The following APC2 variants were observed in gnomAD, a reference collection of about 807,000 sequenced individuals.
APC2 encodes APC regulator of Wnt signaling pathway 2.
A neutral mutation model predicts 72.5 loss-of-function variants in APC2; 41 were observed. The ratio of observed to expected loss-of-function variants is 0.57; its 90% CI spans 0.44 to 0.73. APC2 has a LOEUF of 0.73. APC2 is among the 30% of genes least tolerant of loss of function. The pLI is 0.00. For missense variants in APC2, 3,729 were observed against 3,403.4 expected (o/e 1.10, Z -2.38); for synonymous variants, 1,898 against 1,612.0 (o/e 1.18, Z -4.25).
At position 1,465,545 on chromosome 19, in the gene APC2, G is replaced by A. The variant is rs1189015066; in HGVS notation, c.2244G>A (p.Pro748=). 5.9e-6 allele frequency: 9 copies of A among 1,533,782 alleles called. No individual in the cohort carries two copies. The highest frequency in any genetic ancestry group is 1.2e-5 in the South Asian group (1 of 82,926). The change falls in exon 15 of 15, where the codon CCG becomes CCA. Residue 748 remains proline, a synonymous_variant. Coordinates refer to ENST00000590469, the MANE Select transcript of APC2 (RefSeq NM_005883.3). The part of the protein sequence containing the change: ...ALEHLEKQGP[P]AAEAATKKPL... ...AGCACCTGGAGAAGCAGGGCCCGCC[G>A]GCAGCCGAGGCCGCCACTAAGAAGC...
chr19:1,457,143 C>G lies in APC2; in HGVS notation c.1107C>G (p.Arg369=), dbSNP rs747246449. ...AGGGCCTGGCGCGCAAGGAGATGCG[C>G]GTCCTGCACGTGCTGGAGCAGATCC... ...PDQGLARKEM[R]VLHVLEQIRA... Residue 369 remains arginine, a synonymous_variant, in exon 9 of 15, where the codon CGC becomes CGG. Coordinates refer to ENST00000590469, the MANE Select transcript of APC2 (RefSeq NM_005883.3). The G allele has an allele frequency of 3.1e-6, 5 of 1,588,380 alleles. No individual in the cohort carries two copies. The highest frequency in any genetic ancestry group is 3.6e-4 in the Middle Eastern group (2 of 5,532).
intron 13 of APC2, 92 bp downstream of exon 13, chr19:1,461,245 T>A (rs2083917942): frequency 1.2e-5 from 14 of 1,150,866 alleles, no homozygotes; most frequent in Non-Finnish European, 1.7e-5. Flanking sequence ...TGGGAGGAAA[T>A]CAAGTTGAAC....
Position 1,470,070 on chromosome 19 carries a change from C to T in APC2, c.6769C>T (p.Pro2257Ser), listed in dbSNP as rs755096030. Residue 2257 changes from proline to serine, a missense_variant, in exon 15 of 15, where the codon CCC (proline) becomes TCC (serine). Coordinates refer to ENST00000590469, the MANE Select transcript of APC2 (RefSeq NM_005883.3). ...EGLGVAVGGFPASRHGSPSRS... is the reference protein window; with the variant it reads ...EGLGVAVGGFSASRHGSPSRS... ...CCTGGGGGTCGCCGTGGGGGGCTTC[C>T]CCGCCAGCCGGCACGGCTCCCCCAG... 23 of 1,596,926 alleles carry T rather than the reference C, an allele frequency of 1.4e-5. 1 individual carries two copies. In the South Asian group the frequency reaches 2.5e-4, roughly 17 times the overall value.
Position 1,466,607 on chromosome 19 carries a change from G to A in APC2, c.3306G>A (p.Glu1102=), listed in dbSNP as rs1343320104. 3 of 1,544,498 alleles carry A rather than the reference G, an allele frequency of 1.9e-6. No homozygotes were observed. The highest frequency in any genetic ancestry group is 2.4e-5 in the South Asian group (2 of 84,158). ...DSDSSLEGLE[E]AGPSEAELDS... is the part of the protein sequence containing the mutation. ...ACTCCTCCCTGGAGGGGCTGGAGGA[G>A]GCCGGCCCCAGCGAGGCTGAGCTGG... The change falls in exon 15 of 15, where the codon GAG becomes GAA. Residue 1102 remains glutamate (E), a synonymous_variant. Coordinates refer to ENST00000590469, the MANE Select transcript of APC2 (RefSeq NM_005883.3).
Position 1,470,036 on chromosome 19 carries a change from G to C in APC2, c.6735G>C (p.Val2245=). ...AGGCTCCCATCTCCGCACCCTTCGT[G>C]CACGAGGGCCTGGGGGTCGCCGTGG... is the stretch of plus-strand genomic sequence containing the variant. ...LAKAPISAPF[V]HEGLGVAVGG... Residue 2245 remains valine (V), a synonymous_variant, in exon 15 of 15, where the codon GTG becomes GTC. Transcript: ENST00000590469. The C allele has an allele frequency of 6.4e-7, 1 of 1,566,526 alleles. No individual in the cohort carries two copies. The highest frequency in any genetic ancestry group is 8.6e-7 in the Non-Finnish European group (1 of 1,161,586).
At chr19:1,458,289 C>G (rs140141232) in intron 10 of APC2, 1 of 566,582 alleles carries the variant, frequency 1.8e-6, no homozygotes, top group Admixed American at 3.2e-5. Flanking sequence ...TCTGAGGCTT[C>G]GGGGGTGACT....
In APC2 at chr19:1,466,648, C is replaced by G; in HGVS notation, c.3347C>G (p.Ala1116Gly). 1 of 1,493,730 alleles carries G rather than the reference C, an allele frequency of 6.7e-7. No individual in the cohort carries two copies. The highest frequency in any genetic ancestry group is 8.9e-7 in the Non-Finnish European group (1 of 1,122,800). 92.5% of individuals were successfully genotyped at this position (1,493,730 alleles called of 1,614,324 possible). Residue 1116 changes from alanine to glycine, a missense_variant, in exon 15 of 15, where the codon GCG (alanine) becomes GGG (glycine). Transcript: ENST00000590469. ...SEAELDSTWR[A>G]PGATSLPVAI... ...GCTGAGCTGGACAGCACGTGGCGGG[C>G]GCCCGGGGCCACCTCGCTGCCCGTA...
In APC2 at chr19:1,465,842, G is replaced by A. The variant is rs1194671154; in HGVS notation, c.2541G>A (p.Leu847=). The part of the protein sequence containing the change: ...AAVAAKAKAK[L]ALAVARIDQL... Reference sequence around the variant, plus strand: ...TGGCGGCCAAGGCCAAGGCCAAGCTGGCGCTTGCAGTGGCGCGCATCGACC... The same window carrying A: ...TGGCGGCCAAGGCCAAGGCCAAGCTAGCGCTTGCAGTGGCGCGCATCGACC... The change falls in exon 15 of 15, where the codon CTG becomes CTA. Residue 847 remains leucine (L), a synonymous_variant. Transcript: ENST00000590469. The A allele has an allele frequency of 1.3e-6, 2 of 1,575,212 alleles. No individual in the cohort carries two copies. The highest frequency in any genetic ancestry group is 1.1e-5 in the South Asian group (1 of 87,270).
chr19:1,467,859 G>A lies in APC2; in HGVS notation c.4558G>A (p.Ala1520Thr). 6.5e-7 allele frequency: 1 copy of A among 1,549,232 alleles called. No individual in the cohort carries two copies. The change falls in exon 15 of 15, where the codon GCG (alanine) becomes ACG (threonine). Residue 1520 changes from alanine (A) to threonine (T), a missense_variant. Transcript: ENST00000590469. Reference protein sequence around the residue: ...YGNDSDEEPPAAAPTPTHRRT... With the variant: ...YGNDSDEEPPTAAPTPTHRRT... ...CAACGACTCGGACGAGGAGCCCCCG[G>A]CGGCCGCGCCCACGCCAACCCACCG...
In APC2 at chr19:1,455,431, G is replaced by C; in HGVS notation, c.570G>C (p.Glu190Asp). Residue 190 changes from glutamate (E) to aspartate (D), a missense_variant, in exon 6 of 15, where the codon GAG becomes GAC. Physicochemically the swap from Glu to Asp is conservative, Grantham distance 45. Coordinates refer to ENST00000590469, the MANE Select transcript of APC2 (RefSeq NM_005883.3). ...MDLIRQQLEF[E>D]AQHIRSLMEE... is the part of the protein sequence containing the mutation. ...TGATCCGGCAGCAGCTTGAGTTCGA[G>C]GCCCAGCACATCCGCTCGCTGATGG... 1 of 1,608,548 alleles carries C rather than the reference G, an allele frequency of 6.2e-7. No individual in the cohort carries two copies. Among genetic ancestry groups the C allele is most frequent in the Non-Finnish European group, 8.5e-7 (1 of 1,178,028 alleles).
In APC2 at chr19:1,468,745, C is replaced by A; in HGVS notation, c.5444C>A (p.Pro1815Gln). The A allele has an allele frequency of 1.3e-6, 2 of 1,500,340 alleles. No homozygotes were observed. The highest frequency in any genetic ancestry group is 2.5e-5 in the East Asian group (1 of 40,254). 92.9% of individuals were successfully genotyped at this position (1,500,340 alleles called of 1,614,324 possible). A position where few individuals can be genotyped will look rare whatever the true frequency, so the allele number is the denominator to read the frequency against. The change falls in exon 15 of 15, where the codon CCG becomes CAG. Residue 1815 changes from proline (P) to glutamine (Q), a missense_variant. By Grantham distance (76) the Pro-to-Gln change is moderately conservative. Transcript: ENST00000590469. ...GGGACCCCCGGCCCCCGCGCCACAC[C>A]GCGGAAGGTGGCGCCCCCTTGCCTG... ...PKGTPGPRAT[P>Q]RKVAPPCLAQ...
chr19:1,464,257 G>A (rs541340065), intron 14 of APC2, among the ~76,000 whole-genome samples: 54 of 151,262 alleles, frequency 3.6e-4, no homozygotes, highest in Non-Finnish European at 6.3e-4. Context: ...TGCAGTGAGC[G>A]GAGATCATGC....
intron 1 of APC2, chr19:1,451,752 GAC>G (rs1295177881): frequency 6.6e-6 from 1 of 152,420 alleles, no homozygotes; most frequent in East Asian, 1.9e-4. Context: ...GGAGCCGGAT[GAC>G]ATGGCAAGCC....
At position 1,462,159 on chromosome 19, in the gene APC2, C is replaced by T. The variant is rs541372574; in HGVS notation, c.1835C>T (p.Ala612Val). 4.4e-6 allele frequency: 7 copies of T among 1,603,598 alleles called. No homozygotes were observed. In the East Asian group the frequency reaches 1.6e-4, roughly 36 times the overall value. The stretch of plus-strand genomic sequence containing the variant: ...CTCCGCAATGTGTCCAGCCTCGTCG[C>T]CACCCGTGAGGACTACAGGTCGGCC... ...GILRNVSSLVATREDYRQVLR... is the reference protein window; with the variant it reads ...GILRNVSSLVVTREDYRQVLR... Residue 612 changes from alanine (A) to valine (V), a missense_variant, in exon 14 of 15, where the codon GCC becomes GTC. By Grantham distance (64) the Ala-to-Val change is moderately conservative. Coordinates refer to ENST00000590469, the MANE Select transcript of APC2 (RefSeq NM_005883.3).
Position 1,452,888 on chromosome 19 carries a change from G to A in APC2, c.-18-96G>A. On this transcript the variant is annotated intron_variant, in intron 1 of 14. Coordinates refer to ENST00000590469, the MANE Select transcript of APC2 (RefSeq NM_005883.3). This position sits in a 1 kb window ranked among gnomAD's most constrained non-coding sequence, Gnocchi z 5.1. ...ACCCCCCCCAACCCAGGATCAGGCAGGACGGCTGGGGCTTAGGTCAGGGGC... is the reference window on the plus strand; with the variant it reads ...ACCCCCCCCAACCCAGGATCAGGCAAGACGGCTGGGGCTTAGGTCAGGGGC... 7.0e-7 allele frequency: 1 copy of A among 1,422,204 alleles called. No homozygotes were observed. The highest frequency in any genetic ancestry group is 9.4e-7 in the Non-Finnish European group (1 of 1,060,620). The allele number at this position is 1,422,204 out of a possible 1,614,324, so 88.1% of individuals were successfully genotyped here. A position where few individuals can be genotyped will look rare whatever the true frequency, so the allele number is the denominator to read the frequency against.
intron 9 of APC2, 155 bp downstream of exon 9, chr19:1,457,398 G>C: frequency 8.5e-7 from 1 of 1,171,238 alleles, no homozygotes; most frequent in Non-Finnish European, 1.1e-6. Context: ...GGGGGCATTT[G>C]ACGTTGGGAA....
Position 1,469,575 on chromosome 19 carries a change from C to G in APC2, c.6274C>G (p.Arg2092Gly), listed in dbSNP as rs1289609831. The change falls in exon 15 of 15, where the codon CGG becomes GGG. Residue 2092 changes from arginine (R) to glycine (G), a missense_variant. Transcript: ENST00000590469. ...CCTGCCTGTGCGCGCGCCCGCCGCC[C>G]GGCCGGAGACTGTCAAGCGCTACGC... The part of the protein sequence containing the change: ...SRLPVRAPAA[R>G]PETVKRYASL... 9.6e-6 allele frequency: 12 copies of G among 1,249,892 alleles called. 1 individual carries two copies. The African/African-American group carries it at 1.3e-4, about 13-fold the overall frequency. The allele number at this position is 1,249,892 out of a possible 1,614,324, so 77.4% of individuals were successfully genotyped here.
intron 9 of APC2, 116 bp from the exon 10 acceptor site, chr19:1,457,849 A>T (rs2083859615): frequency 2.4e-6 from 2 of 841,410 alleles, no homozygotes. Context: ...CTTTGCAGCC[A>T]TTTGCAAAGC....
Position 1,452,858 on chromosome 19 carries a change from C to T in APC2, c.-18-126C>T. The T allele has an allele frequency of 8.1e-7, 1 of 1,233,690 alleles. No individual in the cohort carries two copies. Among genetic ancestry groups the T allele is most frequent in the African/African-American group, 1.6e-5 (1 of 63,828 alleles). The allele number at this position is 1,233,690 out of a possible 1,614,324, so 76.4% of individuals were successfully genotyped here. ...ACTTGTCCACACCAGTGACTCCTGC[C>T]TGAGACCCCCCCCAACCCAGGATCA... On this transcript the variant is annotated intron_variant, in intron 1 of 14. Transcript: ENST00000590469. The surrounding 1 kb of genome is among the most constrained non-coding windows in gnomAD (Gnocchi z 5.1).
Sources: allele counts gnomAD v4.1 joint callset (sites outside exome capture counted in the v4.1 genomes callset), GRCh38; gene constraint gnomAD v4.1.1; non-coding constraint Gnocchi (gnomAD v3.1); transcripts MANE v1.5; gene names NCBI Gene and HGNC (gene_info 2026-07-23, HGNC 2026-07-21).